The following EYS variants were observed in gnomAD, a reference collection of about 807,000 sequenced individuals.
The protein encoded by EYS is EGF-like photoreceptor maintenance factor.
A neutral mutation model predicts 282.1 loss-of-function variants in EYS; 250 were observed. That is an observed-to-expected ratio of 0.89 (90% CI 0.80 to 0.98). The LOEUF (loss-of-function observed/expected upper bound fraction) is 0.98. Among genes scored for constraint, EYS ranks in the 50% least tolerant of loss-of-function variants. The probability of loss-of-function intolerance (pLI) is 0.00; values close to 1 mark genes in which losing one functional copy is unlikely to be tolerated. For missense variants in EYS, 4,016 were observed against 3,709.0 expected (o/e 1.08, Z -2.15); for synonymous variants, 1,355 against 1,282.9 (o/e 1.06, Z -1.20).
chr6:65,448,815 G>C (rs1372315507), intron 5 of EYS, among the ~76,000 whole-genome samples: 1 of 151,982 alleles, frequency 6.6e-6, no homozygotes, highest in Non-Finnish European at 1.5e-5. Context: ...CTTAAGACTT[G>C]ATGAAAATAG....
intron 22 of EYS, among the ~76,000 whole-genome samples, chr6:64,690,494 T>C (rs1227782347): frequency 6.6e-6 from 1 of 152,132 alleles, no homozygotes; most frequent in Non-Finnish European, 1.5e-5. Context: ...ACCCAAAGGA[T>C]TATAAATCAT....
chr6:63,753,207 T>C (rs1769389333), intron 41 of EYS, among the ~76,000 whole-genome samples: 1 of 148,836 alleles, frequency 6.7e-6, no homozygotes, highest in Non-Finnish European at 1.5e-5. Context: ...TTTATGCTAT[T>C]CTTATGCTAT....
At chr6:64,968,084 T>C (rs1229318953) in intron 14 of EYS, among the ~76,000 whole-genome samples, 1 of 152,062 alleles carries the variant, frequency 6.6e-6, no homozygotes, top group Non-Finnish European at 1.5e-5. Context: ...AAAAGACAAA[T>C]TTGTACCCTC....
rs527605894 is a variant in EYS at position 63,956,253 on chromosome 6, C to T, written c.7055+28130G>A. On this transcript the variant is annotated intron_variant, in intron 35 of 42. Transcript: ENST00000503581. ...AGAAGTGAAAATGCCTGGTTCCTGC[C>T]TTAACTGGTGACATTACCTTGTGAA... is the stretch of plus-strand genomic sequence containing the variant. Among the ~76,000 whole-genome samples, 5 of 152,310 alleles carry T rather than the reference C, an allele frequency of 3.3e-5. No individual in the cohort carries two copies. In the South Asian group the frequency reaches 1.0e-3, roughly 32 times the overall value.
intron 36 of EYS, among the ~76,000 whole-genome samples, chr6:63,808,478 G>A (rs1328624462): frequency 1.3e-5 from 2 of 152,110 alleles, no homozygotes; most frequent in Non-Finnish European, 2.9e-5. Flanking sequence ...AGAGCTGGAG[G>A]ACCAAACTTT....
chr6:63,731,225 A>G, intron 41 of EYS, among the ~76,000 whole-genome samples: 1 of 152,288 alleles, frequency 6.6e-6, no homozygotes, highest in South Asian at 2.1e-4. Context: ...ACTTGAGATT[A>G]TTGAAATTTT....
chr6:65,260,721 T>A (rs1322258841), intron 12 of EYS, among the ~76,000 whole-genome samples: 1 of 152,062 alleles, frequency 6.6e-6, no homozygotes, highest in Non-Finnish European at 1.5e-5. Flanking sequence ...ATATCCAATA[T>A]GGCCCTTTTA....
intron 22 of EYS, among the ~76,000 whole-genome samples, chr6:64,796,657 T>C (rs960382942): frequency 1.3e-5 from 2 of 152,134 alleles, no homozygotes; most frequent in Non-Finnish European, 2.9e-5. Context: ...TTCTGAGGTA[T>C]CCAAACTTCC....
chr6:64,813,287 A>G, intron 22 of EYS, 91 bp downstream of exon 22: 1 of 875,080 alleles, frequency 1.1e-6, no homozygotes, highest in Admixed American at 3.6e-5. Flanking sequence ...TTCAAAACTT[A>G]GTATTTACAT....
chr6:65,292,718 C>A (rs1315962416), intron 12 of EYS, among the ~76,000 whole-genome samples: 2 of 151,604 alleles, frequency 1.3e-5, no homozygotes, highest in Admixed American at 6.6e-5. Flanking sequence ...AGCTGAAATG[C>A]AAACGTGGTT....
intron 12 of EYS, among the ~76,000 whole-genome samples, chr6:65,185,326 C>T (rs1181957247): frequency 2.0e-5 from 3 of 151,788 alleles, no homozygotes; most frequent in African/African-American, 7.2e-5. Context: ...GTAGAATTCA[C>T]ATTCAGAACA....
At chr6:64,394,967 C>T (rs989983006) in intron 28 of EYS, among the ~76,000 whole-genome samples, 64 of 152,174 alleles carry the variant, frequency 4.2e-4, no homozygotes, top group Admixed American at 7.2e-4. Flanking sequence ...AAAAAGTGGG[C>T]GAAGGATATG....
intron 7 of EYS, among the ~76,000 whole-genome samples, chr6:65,393,763 TG>T (rs980765975): frequency 1.5e-4 from 22 of 150,566 alleles, no homozygotes; most frequent in Admixed American, 4.0e-4. Context: ...GGGATGGGGG[TG>T]GGGGAAGTTA....
At chr6:65,002,021 A>G (rs1215826981) in intron 13 of EYS, among the ~76,000 whole-genome samples, 1 of 138,990 alleles carries the variant, frequency 7.2e-6, no homozygotes, top group Non-Finnish European at 1.6e-5. Context: ...AAAAAATCAT[A>G]TATTAAAATA....
In EYS at chr6:64,099,240, GTGTT is replaced by G. The variant is rs538610259; in HGVS notation, c.6425-17242_6425-17239del. Among the ~76,000 whole-genome samples the G allele has an allele frequency of 5.3e-4, 80 of 152,288 alleles. No individual in the cohort carries two copies. The Middle Eastern group carries it at 0.014, about 26-fold the overall frequency. ...TAGTATGGAAAGTCTTTGGAAATGA[GTGTT>G]TGAGAATGACAATGAATAATAATTA... On this transcript the variant is annotated intron_variant, in intron 31 of 42. Coordinates refer to ENST00000503581, the MANE Select transcript of EYS (RefSeq NM_001142800.2).
intron 41 of EYS, among the ~76,000 whole-genome samples, chr6:63,751,793 A>T (rs1769345644): frequency 6.6e-6 from 1 of 152,164 alleles, no homozygotes; most frequent in South Asian, 2.1e-4. Flanking sequence ...AAATAAAATC[A>T]TCCCTTTAGG....
At chr6:64,311,818 G>A (rs541853036) in intron 29 of EYS, among the ~76,000 whole-genome samples, 40 of 152,168 alleles carry the variant, frequency 2.6e-4, no homozygotes, top group African/African-American at 8.7e-4. Context: ...AGACTATATC[G>A]GGAGGAACGG....
At chr6:64,954,619 G>A (rs993130783) in intron 14 of EYS, among the ~76,000 whole-genome samples, 17 of 152,038 alleles carry the variant, frequency 1.1e-4, no homozygotes, top group Non-Finnish European at 2.4e-4. Context: ...AGTACACCAT[G>A]GACTAAAAAT....
chr6:63,946,582 T>C (rs1430522460), intron 35 of EYS, among the ~76,000 whole-genome samples: 1 of 152,138 alleles, frequency 6.6e-6, no homozygotes, highest in Non-Finnish European at 1.5e-5. Context: ...AGTTGACAGA[T>C]CAAGTAAGGT....
Sources: allele counts gnomAD v4.1 joint callset (sites outside exome capture counted in the v4.1 genomes callset), GRCh38; gene constraint gnomAD v4.1.1; transcripts MANE v1.5; gene names NCBI Gene and HGNC (gene_info 2026-07-23, HGNC 2026-07-21).